SFXN5: variants seen among roughly 807,000 people sequenced by gnomAD.
SFXN5 encodes the protein sideroflexin-5.
A neutral mutation model predicts 50.2 loss-of-function variants in SFXN5; 43 were observed. The observed-to-expected ratio is 0.86, with a 90% CI of 0.67 to 1.11. The LOEUF (loss-of-function observed/expected upper bound fraction) is 1.11, where lower values mean the gene tolerates loss of function less well. Ranked by LOEUF, SFXN5 falls within the 50% of genes least tolerant of loss-of-function variation. The pLI, the probability that SFXN5 is intolerant of heterozygous loss-of-function variation, is 0.00. For synonymous variants in SFXN5, 203 were observed against 185.8 expected, an observed-to-expected ratio of 1.09 and a Z score of -0.75; for missense variants, 463 against 454.1, an observed-to-expected ratio of 1.02 and a Z score of -0.18.
chr2:73,071,412 G>A (rs755979304), intron 1 of SFXN5, 192 bp downstream of exon 1: 11 of 583,998 alleles, frequency 1.9e-5, no homozygotes, highest in African/African-American at 3.8e-5. Context: ...AGGAAGCCAA[G>A]ATGGGAGTCC....
At chr2:73,026,060 T>C (rs1216927546) in intron 3 of SFXN5, among the ~76,000 whole-genome samples, 1 of 151,696 alleles carries the variant, frequency 6.6e-6, no homozygotes, top group Non-Finnish European at 1.5e-5. Flanking sequence ...GCTGGATTCG[T>C]GGACAGGCCA....
At chr2:72,994,243 T>C (rs1672947855) in intron 9 of SFXN5, among the ~76,000 whole-genome samples, 1 of 152,214 alleles carries the variant, frequency 6.6e-6, no homozygotes, top group Non-Finnish European at 1.5e-5. Flanking sequence ...TGGCGTGCTG[T>C]AGGCACTCCA....
intron 10 of SFXN5, among the ~76,000 whole-genome samples, chr2:72,976,196 T>C (rs1244755223): frequency 6.6e-6 from 1 of 152,174 alleles, no homozygotes; most frequent in Non-Finnish European, 1.5e-5. Context: ...ATTTGAGAAT[T>C]AGGGGTTGTT....
intron 11 of SFXN5, among the ~76,000 whole-genome samples, chr2:72,970,734 C>CTGGA (rs1559103645): frequency 6.6e-6 from 1 of 151,900 alleles, no homozygotes; most frequent in East Asian, 1.9e-4. Flanking sequence ...TTCACCCAGG[C>CTGGA]TGGAGTGCAG....
intron 10 of SFXN5, among the ~76,000 whole-genome samples, chr2:72,985,684 C>T (rs1671832352): frequency 6.6e-6 from 1 of 152,158 alleles, no homozygotes; most frequent in Non-Finnish European, 1.5e-5. Context: ...ATCCCGCAAG[C>T]AAGGACTGTC....
chr2:72,956,272 CACG>C (rs1171690543), intron 13 of SFXN5, among the ~76,000 whole-genome samples: 1 of 152,238 alleles, frequency 6.6e-6, no homozygotes, highest in Non-Finnish European at 1.5e-5. Context: ...CCCCAGTTCT[CACG>C]ACATGAGGTT....
chr2:73,002,199 G>C (rs1674002263), intron 6 of SFXN5, among the ~76,000 whole-genome samples: 1 of 152,198 alleles, frequency 6.6e-6, no homozygotes, highest in African/African-American at 2.4e-5. Context: ...ATGAAACATA[G>C]ATTTCTAATA....
chr2:73,020,833 C>T (rs932480200), intron 5 of SFXN5: 1 of 152,450 alleles, frequency 6.6e-6, no homozygotes, highest in African/African-American at 2.4e-5. Flanking sequence ...TGAAGCGCAG[C>T]CAGGCTGTGA....
At position 73,032,026 on chromosome 2, in the gene SFXN5, G is replaced by C. The variant is rs141747947; in HGVS notation, c.250-8812C>G. Among the ~76,000 whole-genome samples, 559 of 152,280 alleles carry C rather than the reference G, an allele frequency of 3.7e-3. 4 individuals carry two copies. The highest frequency in any genetic ancestry group is 0.013 in the African/African-American group (545 of 41,546). On this transcript the variant is annotated intron_variant, in intron 3 of 13. Coordinates refer to ENST00000272433, the MANE Select transcript of SFXN5 (RefSeq NM_144579.3). ...TCTAGGCTTTTCCCTAGGACCTGCT[G>C]GATTAAATGTTGACTTTAAGGGGTT...
In SFXN5 at chr2:73,048,001, T is replaced by TAA. The variant is rs146975895; in HGVS notation, c.172-7072_172-7071dup. Among the ~76,000 whole-genome samples the TAA allele has an allele frequency of 2.9e-3, 442 of 152,348 alleles. 1 individual carries two copies. Among genetic ancestry groups the TAA allele is most frequent in the African/African-American group, 0.01 (421 of 41,580 alleles). ...ACCATGTGATGAATTATTATGCAGT[T>TAA]AAACACATTTTAAAACATTTCATGA... On this transcript the variant is annotated intron_variant, in intron 2 of 13. Transcript: ENST00000272433.
chr2:72,963,240 G>A (rs1385289957), intron 12 of SFXN5, among the ~76,000 whole-genome samples: 1 of 152,218 alleles, frequency 6.6e-6, no homozygotes, highest in Non-Finnish European at 1.5e-5. Flanking sequence ...AGCCCTGAGA[G>A]CAGTGAAGGG....
At chr2:72,978,826 A>T (rs947732356) in intron 10 of SFXN5, among the ~76,000 whole-genome samples, 11 of 151,590 alleles carry the variant, frequency 7.3e-5, no homozygotes, top group African/African-American at 1.7e-4. Flanking sequence ...TTTTTTTTTT[A>T]AATTCCCCAG....
At position 72,942,666 on chromosome 2, in the gene SFXN5, CCT is replaced by C. The variant is rs1228913115; in HGVS notation, c.*2354_*2355del. The C allele has an allele frequency of 6.6e-6, 1 of 152,338 alleles. No homozygotes were observed. The highest frequency in any genetic ancestry group is 1.5e-5 in the Non-Finnish European group (1 of 68,144). The allele number at this position is 152,338 out of a possible 1,614,324, so 9.4% of individuals were successfully genotyped here. On this transcript the variant is annotated 3_prime_UTR_variant, in exon 14 of 14. Coordinates refer to ENST00000272433, the MANE Select transcript of SFXN5 (RefSeq NM_144579.3). ...GGGCCTAGTGGCATAGCCCACTGTC[CCT>C]CTGTCACCCTCACCCTAGGCTATCT...
intron 9 of SFXN5, among the ~76,000 whole-genome samples, chr2:72,990,519 A>AG (rs1259713842): frequency 1.3e-5 from 2 of 152,160 alleles, no homozygotes; most frequent in African/African-American, 2.4e-5. Flanking sequence ...AATGAAGAGG[A>AG]GGGGGGCTCG....
intron 10 of SFXN5, among the ~76,000 whole-genome samples, chr2:72,984,975 C>T (rs73943014): frequency 0.049 from 7,464 of 152,212 alleles, 287 homozygotes; most frequent in East Asian, 0.16. Context: ...TTCCCCAGAG[C>T]TTGAGTTCCC....
rs888036061 is a variant in SFXN5 at position 72,977,391 on chromosome 2, G to T, written c.626-5706C>A. Among the ~76,000 whole-genome samples, 16 of 152,202 alleles carry T rather than the reference G, an allele frequency of 1.1e-4. No homozygotes were observed. In the East Asian group the frequency reaches 3.1e-3, roughly 29 times the overall value. ...ACAATTATTAAGAAAAAGATATGGT[G>T]ATCAAAATCATAGAAAAACATATGA... On this transcript the variant is annotated intron_variant, in intron 10 of 13. Transcript: ENST00000272433.
chr2:72,988,946 C>T (rs1311692548), intron 9 of SFXN5, among the ~76,000 whole-genome samples: 1 of 151,952 alleles, frequency 6.6e-6, no homozygotes, highest in African/African-American at 2.4e-5. Flanking sequence ...GTCACCTGGC[C>T]CAGGATGCCA....
chr2:73,062,441 A>C (rs1412030499), intron 1 of SFXN5, among the ~76,000 whole-genome samples: 1 of 152,174 alleles, frequency 6.6e-6, no homozygotes, highest in Non-Finnish European at 1.5e-5. Flanking sequence ...CTGGAAGTAG[A>C]ATGGCCTGAG....
At chr2:73,004,570 G>A (rs1049348457) in intron 6 of SFXN5, among the ~76,000 whole-genome samples, 3 of 152,138 alleles carry the variant, frequency 2.0e-5, no homozygotes, top group South Asian at 4.1e-4. Context: ...AGGGGGCGCC[G>A]ACACAGGAGC....
Sources: allele counts gnomAD v4.1 joint callset (sites outside exome capture counted in the v4.1 genomes callset), GRCh38; gene constraint gnomAD v4.1.1; transcripts MANE v1.5; gene names NCBI Gene and HGNC (gene_info 2026-07-23, HGNC 2026-07-21).